Variants in TMEM132C observed in about 807,000 individuals in gnomAD.
TMEM132C encodes the protein protein phosphatase 1, regulatory subunit 152.
A neutral mutation model predicts 61.4 loss-of-function variants in TMEM132C; 29 were observed. The observed-to-expected ratio is 0.47, with a 90% CI of 0.35 to 0.64. The LOEUF is 0.64. TMEM132C is among the 30% of genes least tolerant of loss of function. TMEM132C has a pLI of 0.00. For synonymous variants in TMEM132C, 656 were observed against 633.1 expected (o/e 1.04, Z -0.54); for missense variants, 1,408 against 1,476.9 (o/e 0.95, Z 0.76).
chr12:128,542,721 C>T (rs958396113), intron 2 of TMEM132C, among the ~76,000 whole-genome samples: 6 of 119,848 alleles, frequency 5.0e-5, no homozygotes, highest in Non-Finnish European at 8.0e-5. Context: ...AGTAGCCGGG[C>T]GTGGTGGCAG....
chr12:128,496,022 G>C (rs533694916), intron 2 of TMEM132C, among the ~76,000 whole-genome samples: 3 of 152,138 alleles, frequency 2.0e-5, no homozygotes, highest in Non-Finnish European at 4.4e-5. Flanking sequence ...TTTTAGGACA[G>C]GCCTGGTGGT....
Position 128,271,550 on chromosome 12 carries a change from C to T in TMEM132C, c.85+4063C>T, listed in dbSNP as rs190763893. ...CATTATGAAAAGCAAATTAGGATTTCCAACTTCTCTCAAAAGTGTCGAGAG... is the reference window on the plus strand; with the variant it reads ...CATTATGAAAAGCAAATTAGGATTTTCAACTTCTCTCAAAAGTGTCGAGAG... On this transcript the variant is annotated intron_variant, in intron 1 of 8. Coordinates refer to ENST00000435159, the MANE Select transcript of TMEM132C (RefSeq NM_001136103.3). Among the ~76,000 whole-genome samples the T allele has an allele frequency of 1.3e-3, 197 of 152,270 alleles. 1 individual carries two copies. Among genetic ancestry groups the T allele is most frequent in the Non-Finnish European group, 2.4e-3 (164 of 68,026 alleles).
chr12:128,536,501 C>T (rs1423631205), intron 2 of TMEM132C, among the ~76,000 whole-genome samples: 2 of 150,760 alleles, frequency 1.3e-5, no homozygotes, highest in Non-Finnish European at 2.9e-5. Context: ...TGCACTTGTG[C>T]ACGTGTACCC....
intron 2 of TMEM132C, among the ~76,000 whole-genome samples, chr12:128,481,181 G>A (rs1257097205): frequency 2.0e-5 from 3 of 152,186 alleles, no homozygotes; most frequent in Non-Finnish European, 4.4e-5. Flanking sequence ...ATTTCCACCA[G>A]CCTAGTAAGG....
intron 3 of TMEM132C, among the ~76,000 whole-genome samples, chr12:128,549,725 C>CA (rs1874094307): frequency 6.6e-6 from 1 of 152,122 alleles, no homozygotes; most frequent in African/African-American, 2.4e-5. Context: ...AAAGAAGAAT[C>CA]ATAAGTGAGA....
Position 128,581,253 on chromosome 12 carries a change from A to G in TMEM132C, c.1122-34899A>G, listed in dbSNP as rs1473256797. Reference sequence around the variant, plus strand: ...CGCTGTTGGAATCCCCATTCCGGGAATCTTTTTTTTTTTTTAATTTTTCCT... The same window carrying G: ...CGCTGTTGGAATCCCCATTCCGGGAGTCTTTTTTTTTTTTTAATTTTTCCT... On this transcript the variant is annotated intron_variant, in intron 3 of 8. Transcript: ENST00000435159. Among the ~76,000 whole-genome samples, 6 of 151,570 alleles carry G rather than the reference A, an allele frequency of 4.0e-5. No homozygotes were observed. The East Asian group carries it at 1.2e-3, about 29-fold the overall frequency.
At chr12:128,446,255 C>T (rs759368680) in intron 2 of TMEM132C, among the ~76,000 whole-genome samples, 2 of 152,166 alleles carry the variant, frequency 1.3e-5, no homozygotes, top group South Asian at 2.1e-4. Flanking sequence ...CTTCTGAGGT[C>T]GTCATTATAT....
chr12:128,606,913 A>C lies in TMEM132C; in HGVS notation c.1122-9239A>C, dbSNP rs568953741. 3.9e-5 allele frequency among the ~76,000 whole-genome samples: 6 copies of C among 152,328 alleles called. No homozygotes were observed. The South Asian group carries it at 1.2e-3, about 32-fold the overall frequency. ...TGAAGTCCTGTTATTGCTGGGGCTC[A>C]CCAGTAAACAAAGCAAGTTTTTAAA... On this transcript the variant is annotated intron_variant, in intron 3 of 8. Transcript: ENST00000435159.
intron 2 of TMEM132C, among the ~76,000 whole-genome samples, chr12:128,499,136 T>G (rs969282600): frequency 1.3e-5 from 2 of 152,260 alleles, no homozygotes; most frequent in East Asian, 1.9e-4. Flanking sequence ...CTTACTACAA[T>G]GCTACAGTCA....
chr12:128,594,287 A>G (rs1420027814), intron 3 of TMEM132C, among the ~76,000 whole-genome samples: 1 of 151,680 alleles, frequency 6.6e-6, no homozygotes, highest in Non-Finnish European at 1.5e-5. Context: ...CGGGAGCATC[A>G]CTCAGTGCTG....
intron 1 of TMEM132C, among the ~76,000 whole-genome samples, chr12:128,366,331 C>G (rs369819361): frequency 2.0e-5 from 3 of 152,192 alleles, no homozygotes; most frequent in African/African-American, 4.8e-5. Flanking sequence ...AGTGCCATTT[C>G]CCCCCAGCGT....
intron 1 of TMEM132C, among the ~76,000 whole-genome samples, chr12:128,364,982 C>T (rs1873817837): frequency 6.6e-6 from 1 of 152,212 alleles, no homozygotes; most frequent in Non-Finnish European, 1.5e-5. Flanking sequence ...GAGGTGTCCC[C>T]AGTGCTTTTC....
At chr12:128,323,233 G>A (rs1052780783) in intron 1 of TMEM132C, among the ~76,000 whole-genome samples, 7 of 152,198 alleles carry the variant, frequency 4.6e-5, no homozygotes, top group Non-Finnish European at 4.4e-5. Context: ...TGGAACCAGA[G>A]CCAAGAATTC....
chr12:128,384,669 G>A (rs1395730050), intron 1 of TMEM132C, among the ~76,000 whole-genome samples: 1 of 152,104 alleles, frequency 6.6e-6, no homozygotes, highest in Non-Finnish European at 1.5e-5. Flanking sequence ...ATTTTTACAT[G>A]TATTTCTAGA....
At chr12:128,379,803 A>G (rs1019716731) in intron 1 of TMEM132C, among the ~76,000 whole-genome samples, 10 of 152,332 alleles carry the variant, frequency 6.6e-5, no homozygotes, top group African/African-American at 2.2e-4. Context: ...GGGCATGGAC[A>G]TATGCTTTTA....
intron 2 of TMEM132C, among the ~76,000 whole-genome samples, chr12:128,463,028 T>G (rs1211048646): frequency 5.3e-5 from 8 of 152,140 alleles, no homozygotes; most frequent in Admixed American, 3.3e-4. Context: ...TGCAGACGGC[T>G]GCTACAGACT....
At chr12:128,315,493 G>A (rs1280471804) in intron 1 of TMEM132C, among the ~76,000 whole-genome samples, 2 of 151,920 alleles carry the variant, frequency 1.3e-5, no homozygotes, top group Non-Finnish European at 2.9e-5. Context: ...CCAGGGTAAC[G>A]ATAGCCTTTT....
intron 2 of TMEM132C, among the ~76,000 whole-genome samples, chr12:128,466,735 C>CT (rs1454932167): frequency 6.6e-6 from 1 of 152,248 alleles, no homozygotes; most frequent in East Asian, 1.9e-4. Flanking sequence ...CCAGGCTGGT[C>CT]TTGAACTCTT....
At chr12:128,527,707 A>AAGTGTGTGTGTG (rs1555229922) in intron 2 of TMEM132C, among the ~76,000 whole-genome samples, 2 of 147,102 alleles carry the variant, frequency 1.4e-5, no homozygotes, top group African/African-American at 5.0e-5. Context: ...ATGTGCATGT[A>AAGTGTGTGTGTG]TGTGTGTGTG....
Sources: gnomAD v4.1 joint callset for allele counts (sites outside exome capture counted in the v4.1 genomes callset) on GRCh38, gnomAD v4.1.1 for gene constraint, MANE v1.5 for transcripts, NCBI Gene and HGNC (gene_info 2026-07-23, HGNC 2026-07-21) for gene names.